DTYMK: variants seen among roughly 807,000 people sequenced by gnomAD.
DTYMK encodes the protein deoxythymidylate kinase.
In DTYMK, 20 loss-of-function variants were observed where a neutral mutation model predicts 20.3. That is an observed-to-expected ratio of 0.99 (90% CI 0.69 to 1.43). DTYMK has a LOEUF of 1.43. DTYMK is among the 40% of genes most tolerant of loss of function. The pLI, the probability that DTYMK is intolerant of heterozygous loss-of-function variation, is 0.00. For missense variants in DTYMK, 320 were observed against 291.1 expected, an observed-to-expected ratio of 1.10 and a Z score of -0.72; for synonymous variants, 148 against 124.4, an observed-to-expected ratio of 1.19 and a Z score of -1.27.
chr2:241,685,779 AGCGATTT>A lies in DTYMK; in HGVS notation c.222_228del (p.Asn75GlyfsTer6). The A allele has an allele frequency of 6.2e-7, 1 of 1,614,096 alleles. No individual in the cohort carries two copies. The highest frequency in any genetic ancestry group is 8.5e-7 in the Non-Finnish European group (1 of 1,179,922). On this transcript the variant is annotated frameshift_variant, in exon 2 of 5. Transcript: ENST00000305784. LOFTEE classifies it high-confidence loss of function. ...TGCAATGGTTTTTACACTTGTTCCC[AGCGATTT>A]GCAGAAAAAAGCAGGTGCACCGAGT...
At chr2:241,680,088 A>G (rs1010896915) in intron 3 of DTYMK, 141 bp downstream of exon 3, 4 of 722,574 alleles carry the variant, frequency 5.5e-6, no homozygotes, top group Non-Finnish European at 9.0e-6. Flanking sequence ...AACCAAATTA[A>G]TCTAGCAAAG....
intron 2 of DTYMK, among the ~76,000 whole-genome samples, chr2:241,684,044 G>A (rs185966879): frequency 3.3e-5 from 5 of 151,982 alleles, no homozygotes; most frequent in Admixed American, 6.6e-5. Context: ...GCAACACAAC[G>A]AGACTCTTGT....
At chr2:241,686,533 T>G in intron 1 of DTYMK, 121 bp downstream of exon 1, 1 of 1,327,888 alleles carries the variant, frequency 7.5e-7, no homozygotes, top group Non-Finnish European at 9.6e-7. Flanking sequence ...AAGCCCGTCT[T>G]TCAAAATAAA....
rs770502073 is a variant in DTYMK, at chr2:241,686,764, G to A, written c.20C>T (p.Ala7Val). Residue 7 changes from alanine to valine, a missense_variant, in exon 1 of 5, where the codon GCT (alanine) becomes GTT (valine). Ala to Val is a moderately conservative substitution (Grantham distance 64). Transcript: ENST00000305784. ...GTCCACGCCCTCCAGCACTATGAGA[G>A]CCCCGCGCCGGGCCGCCATGACTGT... MAARRG[A>V]LIVLEGVDRA... 1.4e-6 allele frequency: 2 copies of A among 1,465,330 alleles called. No individual in the cohort carries two copies. Among genetic ancestry groups the A allele is most frequent in the Non-Finnish European group, 1.8e-6 (2 of 1,123,296 alleles). 90.8% of individuals were successfully genotyped at this position (1,465,330 alleles called of 1,614,324 possible).
At chr2:241,678,337 T>C in intron 4 of DTYMK, 115 bp downstream of exon 4, 2 of 1,448,874 alleles carry the variant, frequency 1.4e-6, no homozygotes. Context: ...GCTCCACATC[T>C]GGGAGGACCA....
intron 4 of DTYMK, among the ~76,000 whole-genome samples, chr2:241,677,899 T>C (rs958231471): frequency 6.6e-6 from 1 of 152,174 alleles, no homozygotes; most frequent in Non-Finnish European, 1.5e-5. Flanking sequence ...GGGCTGAGGA[T>C]GTGGAGGATT....
intron 2 of DTYMK, 96 bp from the exon 3 acceptor site, chr2:241,680,415 C>G (rs961097318): frequency 1.6e-4 from 216 of 1,329,120 alleles, no homozygotes; most frequent in Admixed American, 4.6e-4. Context: ...AGTGGCTCAC[C>G]CCTATAATCC....
chr2:241,680,140 T>C (rs1188273530), intron 3 of DTYMK, 89 bp downstream of exon 3: 2 of 1,222,534 alleles, frequency 1.6e-6, no homozygotes, highest in East Asian at 2.4e-5. Flanking sequence ...TGCAGAGTAA[T>C]CTGAGGCATG....
intron 3 of DTYMK, among the ~76,000 whole-genome samples, chr2:241,679,490 C>T (rs1303400200): frequency 6.6e-5 from 10 of 152,310 alleles, no homozygotes; most frequent in Admixed American, 2.0e-4. Context: ...AGGGCGTGGC[C>T]GGGCACGGTG....
At chr2:241,685,954 A>G in intron 1 of DTYMK, 77 bp from the exon 2 acceptor site, 1 of 1,425,994 alleles carries the variant, frequency 7.0e-7, no homozygotes, top group Non-Finnish European at 9.7e-7. Context: ...TTTGGACTGA[A>G]TTTCTCCCGG....
intron 1 of DTYMK, 36 bp downstream of exon 1, chr2:241,686,617 CG>C: frequency 1.4e-6 from 2 of 1,472,202 alleles, no homozygotes; most frequent in Non-Finnish European, 1.8e-6. Flanking sequence ...GCAGAGGCAC[CG>C]AAGGCCGCGG....
chr2:241,678,274 CAAAAA>C (rs369466669), intron 4 of DTYMK, among the ~76,000 whole-genome samples, 173 bp downstream of exon 4: 1 of 147,260 alleles, frequency 6.8e-6, no homozygotes, highest in Non-Finnish European at 1.5e-5. Context: ...GATTCTGTCT[CAAAAA>C]AAAAAGAATT....
chr2:241,686,594 A>T (rs1209484021), intron 1 of DTYMK, 60 bp downstream of exon 1: 50 of 1,425,744 alleles, frequency 3.5e-5, no homozygotes, highest in Non-Finnish European at 4.3e-5. Flanking sequence ...CGGAGCAAAG[A>T]GCCCCTGGGA....
chr2:241,678,021 A>T (rs1458485684), intron 4 of DTYMK, among the ~76,000 whole-genome samples: 1 of 152,120 alleles, frequency 6.6e-6, no homozygotes, highest in Non-Finnish European at 1.5e-5. Flanking sequence ...CATGCCTATA[A>T]TCCCAGCACT....
At chr2:241,676,936 C>A (rs2069130858) in intron 4 of DTYMK, among the ~76,000 whole-genome samples, 1 of 152,280 alleles carries the variant, frequency 6.6e-6, no homozygotes, top group African/African-American at 2.4e-5. Flanking sequence ...CAGTGCAACA[C>A]TGGGCCTGAC....
At chr2:241,677,300 A>G (rs536594524) in intron 4 of DTYMK, among the ~76,000 whole-genome samples, 128 of 152,354 alleles carry the variant, frequency 8.4e-4, no homozygotes, top group African/African-American at 3.0e-3. Flanking sequence ...GCCACTGTGC[A>G]GCCACACAGC....
At chr2:241,682,514 G>A (rs531355488) in intron 2 of DTYMK, among the ~76,000 whole-genome samples, 2 of 152,296 alleles carry the variant, frequency 1.3e-5, no homozygotes, top group South Asian at 4.2e-4. Flanking sequence ...AAGGCTGGGC[G>A]TAATGGCTCA....
At chr2:241,680,982 G>A (rs933437798) in intron 2 of DTYMK, among the ~76,000 whole-genome samples, 17 of 152,216 alleles carry the variant, frequency 1.1e-4, no homozygotes, top group African/African-American at 3.6e-4. Context: ...GCAAAGAAGA[G>A]AGCAGAGGAT....
At chr2:241,679,760 G>C (rs62191280) in intron 3 of DTYMK, among the ~76,000 whole-genome samples, 17,881 of 152,106 alleles carry the variant, frequency 0.12, 1,124 homozygotes, top group Middle Eastern at 0.15. Flanking sequence ...CTTGAGGTCA[G>C]GAGTTTGAGA....
Sources: gnomAD v4.1 joint callset for allele counts (sites outside exome capture counted in the v4.1 genomes callset) on GRCh38, gnomAD v4.1.1 for gene constraint, MANE v1.5 for transcripts, NCBI Gene and HGNC (gene_info 2026-07-23, HGNC 2026-07-21) for gene names.